RPS6KA2: variants seen among roughly 807,000 people sequenced by gnomAD.
The protein encoded by RPS6KA2 is ribosomal protein S6 kinase A2.
In RPS6KA2, 42 loss-of-function variants were observed where a neutral mutation model predicts 91.8. That is an observed-to-expected ratio of 0.46 (90% CI 0.36 to 0.59). RPS6KA2 has a LOEUF of 0.59. Among genes scored for constraint, RPS6KA2 ranks in the 20% least tolerant of loss-of-function variants. The pLI, the probability that RPS6KA2 is intolerant of heterozygous loss-of-function variation, is 0.00. For missense variants in RPS6KA2, 798 were observed against 978.5 expected (o/e 0.82, Z 2.46); for synonymous variants, 414 against 393.6 (o/e 1.05, Z -0.61).
chr6:166,614,260 G>A (rs1055696901), intron 1 of RPS6KA2, among the ~76,000 whole-genome samples: 4 of 152,226 alleles, frequency 2.6e-5, no homozygotes, highest in African/African-American at 4.8e-5. Flanking sequence ...AGATGCAGCC[G>A]AGCTTCCTAC....
At chr6:166,452,590 T>A (rs1779952491) in intron 12 of RPS6KA2, among the ~76,000 whole-genome samples, 1 of 152,136 alleles carries the variant, frequency 6.6e-6, no homozygotes, top group Admixed American at 6.5e-5. Context: ...CACAAGGAGA[T>A]AGTAACTAAA....
intron 12 of RPS6KA2, among the ~76,000 whole-genome samples, chr6:166,455,116 T>C (rs977071994): frequency 1.4e-4 from 21 of 152,172 alleles, no homozygotes; most frequent in South Asian, 4.1e-4. Flanking sequence ...TCAGCACTTC[T>C]TCCCCCCCTC....
chr6:166,607,995 G>A (rs1372655270), intron 1 of RPS6KA2, among the ~76,000 whole-genome samples: 1 of 150,736 alleles, frequency 6.6e-6, no homozygotes, highest in African/African-American at 2.4e-5. Flanking sequence ...GAGCGAGAAG[G>A]CAAAACCTTG....
Position 166,612,816 on chromosome 6 carries a change from C to A in RPS6KA2, c.99+14105G>T, listed in dbSNP as rs796596283. 6.6e-6 allele frequency among the ~76,000 whole-genome samples: 1 copy of A among 152,196 alleles called. No individual in the cohort carries two copies. On this transcript the variant is annotated intron_variant, in intron 1 of 20. Transcript: ENST00000265678. This position sits in a 1 kb window ranked among gnomAD's most constrained non-coding sequence, Gnocchi z 4.3. ...CCACATCAGCCTCTCTCTCTCCATGCCCTTGACCTGTCCTCCTCCCTCTGG... is the reference window on the plus strand; with the variant it reads ...CCACATCAGCCTCTCTCTCTCCATGACCTTGACCTGTCCTCCTCCCTCTGG...
chr6:166,690,679 G>C (rs1789180425), intron 2 of RPS6KA2, among the ~76,000 whole-genome samples: 1 of 152,174 alleles, frequency 6.6e-6, no homozygotes, highest in Admixed American at 6.5e-5. Flanking sequence ...GCTCAGCTCT[G>C]CAGGTCCACA....
At chr6:166,464,585 CG>C (rs1273333496) in intron 11 of RPS6KA2, among the ~76,000 whole-genome samples, 7 of 152,282 alleles carry the variant, frequency 4.6e-5, no homozygotes, top group African/African-American at 1.7e-4. Flanking sequence ...CTGCAAGGGA[CG>C]CCAGGCTGGG....
In RPS6KA2 at chr6:166,413,323, C is replaced by G. The variant is rs142692653; in HGVS notation, c.2077-436G>C. Among the ~76,000 whole-genome samples the G allele has an allele frequency of 1.6e-3, 237 of 152,300 alleles. 2 individuals are homozygous for G. Among genetic ancestry groups the G allele is most frequent in the African/African-American group, 5.5e-3 (228 of 41,554 alleles). The stretch of plus-strand genomic sequence containing the variant: ...AGGAGTCTGGACTCATTTGGAGGAA[C>G]AGGCATATCCTGGAGTGAATCCAAA... On this transcript the variant is annotated intron_variant, in intron 20 of 20. Transcript: ENST00000265678.
intron 1 of RPS6KA2, among the ~76,000 whole-genome samples, chr6:166,549,080 A>G (rs1009754099): frequency 6.6e-6 from 1 of 152,270 alleles, no homozygotes; most frequent in African/African-American, 2.4e-5. Flanking sequence ...GAATATACTC[A>G]ATATCATTAG....
At chr6:166,586,481 G>T in intron 1 of RPS6KA2, 1 of 1,596,682 alleles carries the variant, frequency 6.3e-7, no homozygotes, top group Non-Finnish European at 8.5e-7. Flanking sequence ...CAGTCATTCT[G>T]AAAATCCCAA....
At chr6:166,486,536 T>C (rs1410161733) in intron 10 of RPS6KA2, among the ~76,000 whole-genome samples, 1 of 152,248 alleles carries the variant, frequency 6.6e-6, no homozygotes, top group East Asian at 1.9e-4. Context: ...TCTCAGACCC[T>C]TGACTGGGGA....
chr6:166,552,763 C>G (rs1784059496), intron 1 of RPS6KA2, among the ~76,000 whole-genome samples: 1 of 152,184 alleles, frequency 6.6e-6, no homozygotes, highest in Non-Finnish European at 1.5e-5. Context: ...ACCCATGCAT[C>G]GAGGATGCTA....
intron 10 of RPS6KA2, among the ~76,000 whole-genome samples, chr6:166,478,062 G>C (rs1781044406): frequency 6.6e-6 from 1 of 152,270 alleles, no homozygotes; most frequent in East Asian, 1.9e-4. Flanking sequence ...GCATTTCCAG[G>C]GGGAGGCCAA....
intron 2 of RPS6KA2, among the ~76,000 whole-genome samples, chr6:166,804,397 T>A (rs905860337): frequency 6.6e-6 from 1 of 151,998 alleles, no homozygotes; most frequent in Non-Finnish European, 1.5e-5. Context: ...TATTAAATAC[T>A]CAGTGGATTC....
At chr6:166,858,815 T>C (rs1780976301) in intron 1 of RPS6KA2, among the ~76,000 whole-genome samples, 1 of 152,222 alleles carries the variant, frequency 6.6e-6, no homozygotes, top group Admixed American at 6.5e-5. Flanking sequence ...GTCTGAGTCT[T>C]TGGTTTCTAC....
chr6:166,645,404 G>C (rs1201013047), intron 2 of RPS6KA2, among the ~76,000 whole-genome samples: 1 of 152,116 alleles, frequency 6.6e-6, no homozygotes, highest in East Asian at 1.9e-4. Flanking sequence ...CACTTGGGCT[G>C]GAGTTTCCGT....
intron 2 of RPS6KA2, among the ~76,000 whole-genome samples, chr6:166,689,437 C>T (rs1294480541): frequency 6.6e-6 from 1 of 152,226 alleles, no homozygotes; most frequent in Admixed American, 6.5e-5. Context: ...CACAGTGGAA[C>T]AAACAATAAA....
chr6:166,821,011 G>C lies in RPS6KA2; in HGVS notation c.123+37189C>G, dbSNP rs1174135940. 6.6e-6 allele frequency among the ~76,000 whole-genome samples: 1 copy of C among 152,124 alleles called. No homozygotes were observed. Among genetic ancestry groups the C allele is most frequent in the Non-Finnish European group, 1.5e-5 (1 of 68,030 alleles). On this transcript the variant is annotated intron_variant, in intron 2 of 21. Transcript: ENST00000503859. The surrounding 1 kb of genome is among the most constrained non-coding windows in gnomAD (Gnocchi z 4.1). The stretch of plus-strand genomic sequence containing the variant: ...TAGCACAAAATAGCATTTTATCACA[G>C]GGAGCCAAGGGCAGGGACAAGCAGG...
chr6:166,842,688 C>T (rs376433644), intron 2 of RPS6KA2, among the ~76,000 whole-genome samples: 1 of 152,284 alleles, frequency 6.6e-6, no homozygotes, highest in East Asian at 1.9e-4. Context: ...CTTGTGTCTC[C>T]GGCCAGCTCC....
intron 2 of RPS6KA2, among the ~76,000 whole-genome samples, chr6:166,660,020 G>A (rs933983481): frequency 8.6e-5 from 13 of 151,748 alleles, no homozygotes; most frequent in Admixed American, 7.9e-4. Flanking sequence ...GCCTCCCAGC[G>A]TGTTGTGCTC....
Sources: gnomAD v4.1 joint callset for allele counts (sites outside exome capture counted in the v4.1 genomes callset) on GRCh38, gnomAD v4.1.1 for gene constraint, Gnocchi (gnomAD v3.1) non-coding constraint, MANE v1.5 for transcripts, NCBI Gene and HGNC (gene_info 2026-07-23, HGNC 2026-07-21) for gene names.